Variants in SOHLH2 observed in about 807,000 individuals in gnomAD.
SOHLH2 encodes spermatogenesis- and oogenesis-specific basic helix-loop-helix-containing protein 2.
In SOHLH2, 22 loss-of-function variants were observed where a neutral mutation model predicts 50.4. The observed-to-expected ratio is 0.44, with a 90% confidence interval of 0.31 to 0.62. SOHLH2 has a LOEUF of 0.62. Ranked by LOEUF, SOHLH2 falls within the 20% of genes least tolerant of loss-of-function variation. The probability of loss-of-function intolerance (pLI) is 0.08; values close to 1 mark genes in which losing one functional copy is unlikely to be tolerated. For synonymous variants in SOHLH2, 185 were observed against 187.3 expected (o/e 0.99, Z 0.10); for missense variants, 412 against 504.4 (o/e 0.82, Z 1.76).
At chr13:36,197,340 A>G (rs1250945338) in intron 2 of SOHLH2, among the ~76,000 whole-genome samples, 1 of 152,136 alleles carries the variant, frequency 6.6e-6, no homozygotes, top group African/African-American at 2.4e-5. Flanking sequence ...GCATCGCTCA[A>G]CCTGCAGCAG....
intron 1 of SOHLH2, among the ~76,000 whole-genome samples, chr13:36,209,418 T>G (rs1451619238): frequency 6.6e-6 from 1 of 152,192 alleles, no homozygotes; most frequent in Non-Finnish European, 1.5e-5. Flanking sequence ...CAACAGAAAT[T>G]TATTTCTCAG....
intron 6 of SOHLH2, among the ~76,000 whole-genome samples, chr13:36,177,058 T>C (rs1304175683): frequency 6.6e-6 from 1 of 152,108 alleles, no homozygotes; most frequent in Non-Finnish European, 1.5e-5. Flanking sequence ...GGCCCTTGTT[T>C]CTTCCCAGTC....
chr13:36,181,860 C>T lies in SOHLH2; in HGVS notation c.642-6991G>A, dbSNP rs886287518. Reference sequence around the variant, plus strand: ...CCTTCAGCTTTCTTACTCTGCAGGTCCACTGGTGTCAAAATATCTAAGTTG... The same window carrying T: ...CCTTCAGCTTTCTTACTCTGCAGGTTCACTGGTGTCAAAATATCTAAGTTG... On this transcript the variant is annotated intron_variant, in intron 6 of 10. Coordinates refer to ENST00000379881, the MANE Select transcript of SOHLH2 (RefSeq NM_017826.3). 18 of 265,154 alleles carry T rather than the reference C, an allele frequency of 6.8e-5. 1 individual carries two copies. The Admixed American group carries it at 1.1e-3, about 16-fold the overall frequency. The allele number at this position is 265,154 out of a possible 1,614,324, so 16.4% of individuals were successfully genotyped here.
chr13:36,193,995 C>A (rs1486466964), intron 2 of SOHLH2, 128 bp from the exon 3 acceptor site: 6 of 781,246 alleles, frequency 7.7e-6, no homozygotes, highest in South Asian at 6.0e-5. Context: ...AAAATAATAT[C>A]ATTAATATGG....
intron 1 of SOHLH2, among the ~76,000 whole-genome samples, chr13:36,211,638 T>C (rs950470021): frequency 2.0e-5 from 3 of 152,230 alleles, no homozygotes; most frequent in Non-Finnish European, 2.9e-5. Flanking sequence ...CAGACCACAG[T>C]CCTGTCACTT....
chr13:36,185,392 G>A (rs1470430117), intron 6 of SOHLH2, among the ~76,000 whole-genome samples: 5 of 151,868 alleles, frequency 3.3e-5, no homozygotes, highest in South Asian at 2.1e-4. Flanking sequence ...GCTTGAACCC[G>A]GGAGGCAGAA....
rs1229884029 is a variant in SOHLH2 at position 36,184,460 on chromosome 13, C to CTTTTTTTTTTTTTTTTTTTTTTTTTTT, written c.641+5485_641+5486insAAAAAAAAAAAAAAAAAAAAAAAAAAA. Among the ~76,000 whole-genome samples, 203 of 121,098 alleles carry CTTTTTTTTTTTTTTTTTTTTTTTTTTT rather than the reference C, an allele frequency of 1.7e-3. 15 individuals are homozygous for CTTTTTTTTTTTTTTTTTTTTTTTTTTT. The highest frequency in any genetic ancestry group is 2.1e-3 in the East Asian group (9 of 4,354). The allele number at this position is 121,098 out of a possible 152,430, so 79.4% of individuals were successfully genotyped here. ...GATGGAAGTTTCTACCTACAAAGAC[C>CTTTTTTTTTTTTTTTTTTTTTTTTTTT]TTTTTTTTTTTTTTTTTTTGAGACG... On this transcript the variant is annotated intron_variant, in intron 6 of 10. Transcript: ENST00000379881.
intron 1 of SOHLH2, 137 bp downstream of exon 1, chr13:36,214,342 T>C (rs1472789573): frequency 9.2e-7 from 1 of 1,083,908 alleles, no homozygotes; most frequent in East Asian, 2.8e-5. Context: ...GAAGGGGCCC[T>C]TCCTGCTATT....
rs956208729 is a variant in SOHLH2 at position 36,182,073 on chromosome 13, A to G, written c.642-7204T>C. 7 of 984,678 alleles carry G rather than the reference A, an allele frequency of 7.1e-6. No homozygotes were observed. In the African/African-American group the frequency reaches 1.2e-4, roughly 17 times the overall value. 61.0% of individuals were successfully genotyped at this position (984,678 alleles called of 1,614,324 possible). A position where few individuals can be genotyped will look rare whatever the true frequency, so the allele number is the denominator to read the frequency against. ...GTATATATTTATTTGACAGGCCTAG[A>G]GCAGCTGTATACTGCTAAGATTTCT... is the stretch of plus-strand genomic sequence containing the variant. On this transcript the variant is annotated intron_variant, in intron 6 of 10. Coordinates refer to ENST00000379881, the MANE Select transcript of SOHLH2 (RefSeq NM_017826.3).
chr13:36,192,681 G>A (rs1887610388), intron 4 of SOHLH2, among the ~76,000 whole-genome samples: 1 of 152,132 alleles, frequency 6.6e-6, no homozygotes, highest in Admixed American at 6.6e-5. Flanking sequence ...TATTTAAGGT[G>A]TACAACTTGA....
At chr13:36,173,059 C>T (rs556321680) in intron 9 of SOHLH2, among the ~76,000 whole-genome samples, 2 of 152,274 alleles carry the variant, frequency 1.3e-5, no homozygotes, top group South Asian at 4.1e-4. Context: ...AAATGCCTCC[C>T]AGCGGGAAAG....
Position 36,174,505 on chromosome 13 carries a change from C to A in SOHLH2, c.852G>T (p.Leu284=). Residue 284 remains leucine (L), a synonymous_variant, in exon 8 of 11, where the codon CTG becomes CTT. Coordinates refer to ENST00000379881, the MANE Select transcript of SOHLH2 (RefSeq NM_017826.3). ...GTGCCATGACAGTGCCTGGGAGAGA[C>A]AGCTCAATGGGTGTTTGTTGTTTCT... is the stretch of plus-strand genomic sequence containing the variant. The part of the protein sequence containing the change: ...FCKKQQTPIE[L]SLPGTVMAQR... 2 of 1,614,180 alleles carry A rather than the reference C, an allele frequency of 1.2e-6. No individual in the cohort carries two copies. Among genetic ancestry groups the A allele is most frequent in the South Asian group, 2.2e-5 (2 of 91,072 alleles).
intron 2 of SOHLH2, among the ~76,000 whole-genome samples, chr13:36,198,910 C>T (rs1293203279): frequency 6.6e-6 from 1 of 152,102 alleles, no homozygotes; most frequent in East Asian, 1.9e-4. Flanking sequence ...ATAAAGCACC[C>T]AGAGAAACAA....
intron 1 of SOHLH2, among the ~76,000 whole-genome samples, chr13:36,203,765 T>C (rs74656720): frequency 0.035 from 5,346 of 152,186 alleles, 120 homozygotes; most frequent in South Asian, 0.11. Context: ...ATGGAGTACC[T>C]TTTCATTTTA....
At chr13:36,205,839 T>C (rs1868725482) in intron 1 of SOHLH2, among the ~76,000 whole-genome samples, 1 of 152,028 alleles carries the variant, frequency 6.6e-6, no homozygotes, top group African/African-American at 2.4e-5. Context: ...CTGAAGACAT[T>C]TATAGAGCTG....
intron 1 of SOHLH2, among the ~76,000 whole-genome samples, chr13:36,209,927 A>C (rs961004655): frequency 2.0e-5 from 3 of 152,170 alleles, no homozygotes; most frequent in Non-Finnish European, 4.4e-5. Flanking sequence ...GGATGAGTGA[A>C]AGCAAAGGCT....
At chr13:36,185,169 T>A (rs75654726) in intron 6 of SOHLH2, among the ~76,000 whole-genome samples, 13 of 147,134 alleles carry the variant, frequency 8.8e-5, no homozygotes, top group South Asian at 4.4e-4. Context: ...ACTTTTTTTT[T>A]AAAAAGCAAA....
chr13:36,212,070 GA>G (rs924589502), intron 1 of SOHLH2, among the ~76,000 whole-genome samples: 19 of 152,136 alleles, frequency 1.2e-4, no homozygotes, highest in African/African-American at 4.1e-4. Context: ...CTTTTGGGGG[GA>G]AAAAAAGTCA....
chr13:36,186,153 T>C (rs1034608082), intron 6 of SOHLH2, among the ~76,000 whole-genome samples: 2 of 151,920 alleles, frequency 1.3e-5, no homozygotes, highest in Non-Finnish European at 2.9e-5. Context: ...TTTAAAAAAA[T>C]CAGTCATAAT....
Sources: allele counts gnomAD v4.1 joint callset (sites outside exome capture counted in the v4.1 genomes callset), GRCh38; gene constraint gnomAD v4.1.1; transcripts MANE v1.5; gene names NCBI Gene and HGNC (gene_info 2026-07-23, HGNC 2026-07-21).